The following DOCK7 variants were observed in gnomAD, a reference collection of about 807,000 sequenced individuals.
DOCK7 encodes dedicator of cytokinesis 7.
Under a neutral mutation model 271.0 loss-of-function variants are expected in DOCK7, and 138 were observed. That is an observed-to-expected ratio of 0.51 (90% CI 0.44 to 0.59). DOCK7 has a LOEUF of 0.59. DOCK7 is among the 20% of genes least tolerant of loss of function. DOCK7 has a pLI of 0.00. For missense variants in DOCK7, 2,066 were observed against 2,592.4 expected, an observed-to-expected ratio of 0.80 and a Z score of 4.41; for synonymous variants, 823 against 876.1, an observed-to-expected ratio of 0.94 and a Z score of 1.07.
chr1:62,626,804 G>C (rs1440094982), intron 11 of DOCK7, among the ~76,000 whole-genome samples: 1 of 152,056 alleles, frequency 6.6e-6, no homozygotes, highest in Non-Finnish European at 1.5e-5. Flanking sequence ...AGGTTCACTG[G>C]TGAATTCTTC....
intron 30 of DOCK7, 68 bp from the exon 31 acceptor site, chr1:62,528,373 C>A: frequency 7.2e-7 from 1 of 1,397,226 alleles, no homozygotes; most frequent in Non-Finnish European, 9.7e-7. Context: ...TCCTATTCTC[C>A]ACTATTCTTT....
At chr1:62,554,784 TCA>T (rs1232773490) in intron 21 of DOCK7, among the ~76,000 whole-genome samples, 1 of 152,186 alleles carries the variant, frequency 6.6e-6, no homozygotes, top group African/African-American at 2.4e-5. Flanking sequence ...ACATAATCAC[TCA>T]CACATTCATG....
At chr1:62,555,696 C>A in intron 21 of DOCK7, 129 bp downstream of exon 21, 2 of 980,584 alleles carry the variant, frequency 2.0e-6, no homozygotes, top group Non-Finnish European at 2.9e-6. Flanking sequence ...GTGAATGGTA[C>A]TTAGCAGGTG....
intron 7 of DOCK7, among the ~76,000 whole-genome samples, chr1:62,643,797 G>A (rs558796960): frequency 6.6e-6 from 1 of 151,684 alleles, no homozygotes; most frequent in African/African-American, 2.4e-5. Flanking sequence ...TTACATCTTT[G>A]TGTACATTTT....
intron 1 of DOCK7, among the ~76,000 whole-genome samples, chr1:62,684,131 C>T (rs1359679724): frequency 6.6e-6 from 1 of 151,566 alleles, no homozygotes; most frequent in African/African-American, 2.4e-5. Flanking sequence ...ATCGCCTGAA[C>T]CCGGGGCAGT....
Position 62,539,860 on chromosome 1 carries a change from A to G in DOCK7, c.3078T>C (p.Asn1026=). ...TTTTCCTTGGAGCCTCAAGTTTATC[A>G]TTAAAGTATAAATGGTGCACCATGC... The part of the protein sequence containing the change: ...VKSMVHHLYF[N]DKLEAPRKSR... Residue 1026 remains asparagine, a synonymous_variant, in exon 26 of 50, where the codon AAT becomes AAC. Coordinates refer to ENST00000635253, the MANE Select transcript of DOCK7 (RefSeq NM_001367561.1). The G allele has an allele frequency of 6.2e-7, 1 of 1,612,952 alleles. No homozygotes were observed. Among genetic ancestry groups the G allele is most frequent in the East Asian group, 2.2e-5 (1 of 44,804 alleles).
At chr1:62,541,945 G>A (rs989963692) in intron 25 of DOCK7, among the ~76,000 whole-genome samples, 6 of 152,136 alleles carry the variant, frequency 3.9e-5, no homozygotes, top group African/African-American at 1.4e-4. Context: ...GATCATAGCT[G>A]ACTGCAGCCT....
intron 1 of DOCK7, among the ~76,000 whole-genome samples, chr1:62,683,907 A>G (rs1228054216): frequency 6.6e-6 from 1 of 152,054 alleles, no homozygotes; most frequent in Non-Finnish European, 1.5e-5. Flanking sequence ...AGCCTGGGCA[A>G]CAGAGCGAGA....
chr1:62,648,090 A>G lies in DOCK7; in HGVS notation c.732+16T>C, dbSNP rs773208829. 2.5e-6 allele frequency: 4 copies of G among 1,604,880 alleles called. No homozygotes were observed. The highest frequency in any genetic ancestry group is 2.6e-6 in the Non-Finnish European group (3 of 1,172,768). On this transcript the variant is annotated intron_variant, in intron 6 of 49. Transcript: ENST00000635253. ...TTTTAATAATCATTTGCTTCTTTAT[A>G]TGCAAACATCTATACCTCATCTGGT...
chr1:62,648,991 G>A (rs1351380063), intron 4 of DOCK7, among the ~76,000 whole-genome samples: 3 of 151,892 alleles, frequency 2.0e-5, no homozygotes, highest in Non-Finnish European at 4.4e-5. Flanking sequence ...GCTATCTCTC[G>A]TTATCTATAA....
intron 22 of DOCK7, among the ~76,000 whole-genome samples, chr1:62,548,706 C>A (rs1645795043): frequency 6.6e-6 from 1 of 152,160 alleles, no homozygotes; most frequent in African/African-American, 2.4e-5. Context: ...TGGGCGTGAG[C>A]CACCACGCCC....
chr1:62,515,573 A>T (rs1644638106), intron 31 of DOCK7, among the ~76,000 whole-genome samples: 2 of 152,240 alleles, frequency 1.3e-5, no homozygotes, highest in Admixed American at 6.5e-5. Flanking sequence ...ATAAATTGCC[A>T]GTAACACAGT....
At chr1:62,628,814 A>G (rs574801990) in intron 11 of DOCK7, 1 of 152,356 alleles carries the variant, frequency 6.6e-6, no homozygotes, top group Non-Finnish European at 1.5e-5. Context: ...TCTTGAACAT[A>G]TAAAGAACTC....
At chr1:62,562,363 C>G (rs941438863) in intron 18 of DOCK7, among the ~76,000 whole-genome samples, 9 of 151,430 alleles carry the variant, frequency 5.9e-5, no homozygotes, top group African/African-American at 2.2e-4. Context: ...TCCCGAATAA[C>G]TGGGACACGC....
chr1:62,498,079 A>AT (rs1646673592), intron 37 of DOCK7, among the ~76,000 whole-genome samples: 1 of 105,840 alleles, frequency 9.4e-6, no homozygotes, highest in Non-Finnish European at 2.2e-5. Flanking sequence ...ATGTCTACGA[A>AT]ATTTTTTTTT....
chr1:62,619,960 T>C lies in DOCK7; in HGVS notation c.1459A>G (p.Lys487Glu). ...GGCCTTCTCATATCAGCAAGGAATT[T>C]GTAGAGATCTTCATCACTTAAGCGG... ...GDRLSDEDLY[K>E]FLADMRRPSS... Residue 487 changes from lysine (K) to glutamate (E), a missense_variant, in exon 13 of 50, where the codon AAA (lysine) becomes GAA (glutamate). Physicochemically the swap from Lys to Glu is moderately conservative, Grantham distance 56 (BLOSUM62 1). Transcript: ENST00000635253. 6.2e-7 allele frequency: 1 copy of C among 1,613,896 alleles called. No individual in the cohort carries two copies. The highest frequency in any genetic ancestry group is 1.1e-5 in the South Asian group (1 of 91,050).
chr1:62,661,965 C>T (rs1658714868), intron 2 of DOCK7, among the ~76,000 whole-genome samples: 1 of 152,052 alleles, frequency 6.6e-6, no homozygotes, highest in South Asian at 2.1e-4. Flanking sequence ...TCCATATATT[C>T]TAAAATTTCT....
At chr1:62,491,904 C>T (rs908401107) in intron 41 of DOCK7, among the ~76,000 whole-genome samples, 1 of 152,090 alleles carries the variant, frequency 6.6e-6, no homozygotes, top group Non-Finnish European at 1.5e-5. Context: ...GGTTAATAAA[C>T]AAGCAAACGA....
chr1:62,490,364 C>G (rs1439505523), intron 41 of DOCK7, among the ~76,000 whole-genome samples: 9 of 152,064 alleles, frequency 5.9e-5, no homozygotes, highest in Non-Finnish European at 1.2e-4. Flanking sequence ...TCCCAAAGCA[C>G]TGGAATGACA....
Sources: allele counts gnomAD v4.1 joint callset (sites outside exome capture counted in the v4.1 genomes callset), GRCh38; gene constraint gnomAD v4.1.1; transcripts MANE v1.5; gene names NCBI Gene and HGNC (gene_info 2026-07-23, HGNC 2026-07-21).